UBE2F: variants seen among roughly 807,000 people sequenced by gnomAD.
The protein encoded by UBE2F is ubiquitin conjugating enzyme E2 F (putative).
In UBE2F, 5 loss-of-function variants were observed where a neutral mutation model predicts 29.6. The ratio of observed to expected loss-of-function variants is 0.17; its 90% CI spans 0.09 to 0.36. The LOEUF is 0.36. UBE2F is among the 10% of genes least tolerant of loss of function. The probability of loss-of-function intolerance (pLI) is 1.00; values close to 1 mark genes in which losing one functional copy is unlikely to be tolerated. For synonymous variants in UBE2F, 66 were observed against 81.8 expected, an observed-to-expected ratio of 0.81 and a Z score of 1.04; for missense variants, 141 against 228.5, an observed-to-expected ratio of 0.62 and a Z score of 2.47.
At chr2:237,989,380 G>C (rs1188881663) in intron 3 of UBE2F, among the ~76,000 whole-genome samples, 1 of 151,988 alleles carries the variant, frequency 6.6e-6, no homozygotes, top group African/African-American at 2.4e-5. Context: ...CAAGACAGAG[G>C]CTCACTCTGT....
intron 2 of UBE2F, among the ~76,000 whole-genome samples, chr2:237,984,922 G>A (rs2063448099): frequency 6.6e-6 from 1 of 151,096 alleles, no homozygotes; most frequent in Non-Finnish European, 1.5e-5. Flanking sequence ...TGGGACTACA[G>A]GCATGCACCA....
chr2:238,013,809 G>T (rs1414102109), intron 4 of UBE2F, among the ~76,000 whole-genome samples: 23 of 152,166 alleles, frequency 1.5e-4, no homozygotes. Context: ...TGGGGCAGGG[G>T]CCAGGCTGGC....
At chr2:238,030,516 G>C (rs1329689067) in intron 6 of UBE2F, 40 bp from the exon 7 acceptor site, 1 of 1,533,012 alleles carries the variant, frequency 6.5e-7, no homozygotes, top group Non-Finnish European at 9.0e-7. Flanking sequence ...GGGCACCTGT[G>C]GCTGCTCCTC....
intron 2 of UBE2F, among the ~76,000 whole-genome samples, chr2:237,974,126 G>A (rs1053599954): frequency 3.3e-5 from 5 of 150,578 alleles, no homozygotes; most frequent in Non-Finnish European, 3.0e-5. Context: ...CCTGAGTAGC[G>A]GAGATTACGG....
intron 8 of UBE2F, among the ~76,000 whole-genome samples, chr2:238,034,460 T>C (rs1043526577): frequency 1.3e-5 from 2 of 152,030 alleles, no homozygotes; most frequent in African/African-American, 2.4e-5. Flanking sequence ...AGAAATCTGC[T>C]ACAGCCACAC....
chr2:238,025,715 C>T lies in UBE2F; in HGVS notation c.353+303C>T, dbSNP rs143971429. ...CCTTGCCTTGTTCCCCTCCTATTTA[C>T]ATGAGAGACCACATTCCCTCCATGT... is the stretch of plus-strand genomic sequence containing the variant. On this transcript the variant is annotated intron_variant, in intron 6 of 9. Coordinates refer to ENST00000272930, the MANE Select transcript of UBE2F (RefSeq NM_080678.3). Among the ~76,000 whole-genome samples the T allele has an allele frequency of 1.1e-4, 17 of 152,312 alleles. 1 individual carries two copies. The East Asian group carries it at 3.1e-3, about 28-fold the overall frequency.
intron 2 of UBE2F, among the ~76,000 whole-genome samples, chr2:237,983,023 C>G (rs993023026): frequency 5.3e-5 from 8 of 152,154 alleles, no homozygotes; most frequent in Non-Finnish European, 1.5e-5. Flanking sequence ...TTTGTAGTGA[C>G]AGAGTCTCAC....
At chr2:238,016,940 T>C (rs2064169312) in intron 5 of UBE2F, among the ~76,000 whole-genome samples, 1 of 152,252 alleles carries the variant, frequency 6.6e-6, no homozygotes, top group Non-Finnish European at 1.5e-5. Context: ...AAAATGACTG[T>C]AGTTTTGTTC....
In UBE2F at chr2:238,040,635, C is replaced by G. The variant is rs2064818245; in HGVS notation, c.508-653C>G. The stretch of plus-strand genomic sequence containing the variant: ...ACCTTGGGGAGACCAGATCCAGGGA[C>G]AAACCTGACAGTGGCCCAGATCCGA... On this transcript the variant is annotated intron_variant, in intron 9 of 9. Coordinates refer to ENST00000272930, the MANE Select transcript of UBE2F (RefSeq NM_080678.3). The surrounding 1 kb of genome is among the most constrained non-coding windows in gnomAD (Gnocchi z 4.4). Among the ~76,000 whole-genome samples the G allele has an allele frequency of 6.6e-6, 1 of 152,180 alleles. No individual in the cohort carries two copies. Among genetic ancestry groups the G allele is most frequent in the South Asian group, 2.1e-4 (1 of 4,824 alleles).
At chr2:238,013,277 A>T (rs572234354) in intron 4 of UBE2F, among the ~76,000 whole-genome samples, 5 of 152,316 alleles carry the variant, frequency 3.3e-5, no homozygotes, top group South Asian at 4.1e-4. Context: ...TAAATAATTT[A>T]AAAAAAGAAA....
intron 2 of UBE2F, among the ~76,000 whole-genome samples, chr2:237,979,382 C>T (rs1258087240): frequency 6.6e-6 from 1 of 152,172 alleles, no homozygotes. Flanking sequence ...GGACCCCTCA[C>T]CTTCCTATAT....
intron 2 of UBE2F, among the ~76,000 whole-genome samples, chr2:237,983,780 C>G (rs1301170412): frequency 6.6e-6 from 1 of 152,204 alleles, no homozygotes; most frequent in African/African-American, 2.4e-5. Context: ...TGATCCACTT[C>G]CAATGGCCTT....
At position 238,006,912 on chromosome 2, in the gene UBE2F, C is replaced by T. The variant is rs563471153; in HGVS notation, c.215-9654C>T. Among the ~76,000 whole-genome samples the T allele has an allele frequency of 1.3e-4, 20 of 152,192 alleles. No homozygotes were observed. The East Asian group carries it at 1.5e-3, about 12-fold the overall frequency. ...CTGGGATTATAGGCATGCACCACCA[C>T]ACCCGGCTAATTTTTGTATTTTTAG... is the stretch of plus-strand genomic sequence containing the variant. On this transcript the variant is annotated intron_variant, in intron 4 of 9. Coordinates refer to ENST00000272930, the MANE Select transcript of UBE2F (RefSeq NM_080678.3).
At position 237,987,512 on chromosome 2, in the gene UBE2F, C is replaced by T. The variant is rs370169330; in HGVS notation, c.119-451C>T. On this transcript the variant is annotated intron_variant, in intron 2 of 9. Transcript: ENST00000272930. ...TGAATGGCTCGTGGAAGAGGGACTG[C>T]GATGTCTGAGGCCCTGAGGCAGAGG... Among the ~76,000 whole-genome samples the T allele has an allele frequency of 1.1e-3, 165 of 152,202 alleles. 1 individual carries two copies. The highest frequency in any genetic ancestry group is 3.8e-3 in the African/African-American group (156 of 41,544).
At chr2:238,001,821 AC>A (rs1408415955) in intron 4 of UBE2F, among the ~76,000 whole-genome samples, 1 of 152,086 alleles carries the variant, frequency 6.6e-6, no homozygotes, top group Non-Finnish European at 1.5e-5. Context: ...CTCCGTCTCA[AC>A]AAAAAACAAA....
chr2:237,988,548 G>C (rs1004226342), intron 3 of UBE2F, among the ~76,000 whole-genome samples: 1 of 151,520 alleles, frequency 6.6e-6, no homozygotes, highest in South Asian at 2.1e-4. Context: ...CCCAAGAGGC[G>C]GAGGTTGCAG....
rs1280805472 is a variant in UBE2F, at chr2:237,967,657, A to G, written c.-17+525A>G. ...AGCGGGGGAGGTGAGGGGAGTGACA[A>G]CTCGCGCCCGGTCCTCGTACCTGCA... On this transcript the variant is annotated intron_variant, in intron 1 of 9. Transcript: ENST00000272930. The surrounding 1 kb of genome is among the most constrained non-coding windows in gnomAD (Gnocchi z 6.3). Among the ~76,000 whole-genome samples the G allele has an allele frequency of 1.3e-5, 2 of 152,010 alleles. No individual in the cohort carries two copies. Among genetic ancestry groups the G allele is most frequent in the South Asian group, 2.1e-4 (1 of 4,816 alleles).
At chr2:238,032,632 A>C (rs545961199) in intron 8 of UBE2F, 34 of 171,592 alleles carry the variant, frequency 2.0e-4, no homozygotes, top group African/African-American at 8.2e-4. Context: ...ACACACAAAA[A>C]CCCCCCAAAA....
intron 4 of UBE2F, among the ~76,000 whole-genome samples, chr2:237,995,979 A>G (rs2063683666): frequency 6.6e-6 from 1 of 152,202 alleles, no homozygotes; most frequent in South Asian, 2.1e-4. Context: ...GAACACCATC[A>G]TTAGAAAGCA....
Sources: allele counts gnomAD v4.1 joint callset (sites outside exome capture counted in the v4.1 genomes callset), GRCh38; gene constraint gnomAD v4.1.1; non-coding constraint Gnocchi (gnomAD v3.1); transcripts MANE v1.5; gene names NCBI Gene and HGNC (gene_info 2026-07-23, HGNC 2026-07-21).